Variants in LITAF observed in about 807,000 individuals in gnomAD.
LITAF encodes the protein lipopolysaccharide induced TNF factor.
LITAF carries 9 observed loss-of-function variants against 14.5 expected under a neutral mutation model. The observed-to-expected ratio is 0.62, with a 90% CI of 0.37 to 1.08. The LOEUF is 1.08. Among genes scored for constraint, LITAF ranks in the 50% least tolerant of loss-of-function variants. The pLI is 0.01. For missense variants in LITAF, 206 were observed against 213.4 expected (o/e 0.97, Z 0.22); for synonymous variants, 98 against 88.2 (o/e 1.11, Z -0.62).
chr16:11,563,871 G>A (rs756352363), intron 1 of LITAF, among the ~76,000 whole-genome samples: 9 of 151,956 alleles, frequency 5.9e-5, no homozygotes, highest in African/African-American at 1.2e-4. Context: ...GGTGGGGGGC[G>A]TGCTTGTCAA....
intron 1 of LITAF, among the ~76,000 whole-genome samples, chr16:11,592,579 G>GAAA (rs71136669): frequency 3.9e-4 from 53 of 137,418 alleles, no homozygotes; most frequent in African/African-American, 4.0e-4. Flanking sequence ...TGTCTCAAAA[G>GAAA]AAAAAAAAAA....
Position 11,548,101 on chromosome 16 carries a change from A to G in LITAF, c.*1536T>C, listed in dbSNP as rs1283188102. The G allele has an allele frequency of 1.3e-5, 6 of 454,156 alleles. No homozygotes were observed. Among genetic ancestry groups the G allele is most frequent in the South Asian group, 9.3e-5 (6 of 64,482 alleles). The allele number at this position is 454,156 out of a possible 1,614,324, so 28.1% of individuals were successfully genotyped here. ...AAATGATAATTACTGGAATTTTCCA[A>G]ACATCAAATGAAGGGGGATCAATGG... is the stretch of plus-strand genomic sequence containing the variant. On this transcript the variant is annotated 3_prime_UTR_variant, in exon 4 of 4. Transcript: ENST00000622633.
chr16:11,591,993 C>G (rs1439805336), upstream of LITAF, among the ~76,000 whole-genome samples: 3 of 152,154 alleles, frequency 2.0e-5, no homozygotes, highest in East Asian at 5.8e-4. Context: ...ACTCATACAA[C>G]TCTTAGAAGG....
intron 3 of LITAF, among the ~76,000 whole-genome samples, chr16:11,551,380 T>C (rs1160337983): frequency 6.6e-6 from 1 of 151,998 alleles, no homozygotes; most frequent in African/African-American, 2.4e-5. Context: ...CGTCTACAGA[T>C]GGGGAAACTG....
chr16:11,606,782 C>A (rs1043980594), intron 3 of LITAF, among the ~76,000 whole-genome samples: 2 of 151,632 alleles, frequency 1.3e-5, no homozygotes, highest in Admixed American at 6.6e-5. Context: ...CTACAGGCCC[C>A]CACCACCATG....
chr16:11,621,119 G>T (rs2038097312), intron 3 of LITAF, among the ~76,000 whole-genome samples: 1 of 152,058 alleles, frequency 6.6e-6, no homozygotes, highest in East Asian at 1.9e-4. Context: ...GAGTGCAATG[G>T]CAGTGCGCGA....
chr16:11,604,201 A>T (rs544862235), intron 3 of LITAF, among the ~76,000 whole-genome samples: 1 of 152,094 alleles, frequency 6.6e-6, no homozygotes, highest in African/African-American at 2.4e-5. Context: ...CTGTGTGCTT[A>T]TTGTTCTAAA....
intron 3 of LITAF, among the ~76,000 whole-genome samples, chr16:11,628,552 G>A (rs2065098621): frequency 6.6e-6 from 1 of 152,202 alleles, no homozygotes; most frequent in South Asian, 2.1e-4. Flanking sequence ...TGCCCGGGCT[G>A]GAGTGCAGTG....
chr16:11,569,634 GCCTGGTCAACTGAACA>G (rs1370204986), intron 1 of LITAF, among the ~76,000 whole-genome samples: 1 of 152,106 alleles, frequency 6.6e-6, no homozygotes, highest in Non-Finnish European at 1.5e-5. Flanking sequence ...GTGGACTACG[GCCTGGTCAACTGAACA>G]CCCAACTGTT....
At chr16:11,574,230 C>T (rs919756529) in intron 1 of LITAF, among the ~76,000 whole-genome samples, 58 of 151,512 alleles carry the variant, frequency 3.8e-4, no homozygotes, top group Non-Finnish European at 4.3e-4. Flanking sequence ...TTTGTAGAGA[C>T]GGGGTCTCAG....
At chr16:11,630,703 T>G (rs1318204562) in intron 3 of LITAF, among the ~76,000 whole-genome samples, 1 of 151,370 alleles carries the variant, frequency 6.6e-6, no homozygotes, top group Non-Finnish European at 1.5e-5. Flanking sequence ...CTCAGCTTCC[T>G]AGATAGCTGG....
At chr16:11,554,742 T>C (rs7404725) in intron 2 of LITAF, among the ~76,000 whole-genome samples, 110,280 of 145,254 alleles carry the variant, frequency 0.76, 42,198 homozygotes, top group Admixed American at 0.83. Context: ...GAGCCGAGAT[T>C]ATGCCACTGC....
At chr16:11,567,723 G>A (rs574359142) in intron 1 of LITAF, among the ~76,000 whole-genome samples, 9 of 152,240 alleles carry the variant, frequency 5.9e-5, no homozygotes, top group South Asian at 2.1e-4. Flanking sequence ...GGTGGCTCAC[G>A]CCTGTAATCC....
chr16:11,559,804 G>T (rs945396377), intron 1 of LITAF, among the ~76,000 whole-genome samples: 1 of 148,864 alleles, frequency 6.7e-6, no homozygotes, highest in African/African-American at 2.5e-5. Flanking sequence ...AGATCAGCCT[G>T]AGCAACATAG....
intron 1 of LITAF, among the ~76,000 whole-genome samples, chr16:11,567,302 C>A (rs1314668475): frequency 2.6e-5 from 4 of 152,094 alleles, no homozygotes; most frequent in African/African-American, 9.7e-5. Context: ...CGCCTGTAAT[C>A]CTAGCTACTC....
At chr16:11,625,151 G>C (rs1185961523) in intron 3 of LITAF, among the ~76,000 whole-genome samples, 1 of 152,078 alleles carries the variant, frequency 6.6e-6, no homozygotes, top group Non-Finnish European at 1.5e-5. Flanking sequence ...GACCAAAAGA[G>C]GAACATGAGT....
chr16:11,626,076 T>A (rs1395917052), intron 3 of LITAF, among the ~76,000 whole-genome samples: 1 of 152,064 alleles, frequency 6.6e-6, no homozygotes, highest in Non-Finnish European at 1.5e-5. Flanking sequence ...CTGGGCTGAT[T>A]GATGAAAGTT....
chr16:11,588,884 C>T (rs1382995805), upstream of LITAF, among the ~76,000 whole-genome samples: 3 of 151,792 alleles, frequency 2.0e-5, no homozygotes, highest in Admixed American at 2.0e-4. Flanking sequence ...TCCTCCCTTC[C>T]TCCTTTCCTC....
chr16:11,556,827 A>ATTT (rs2064278727), intron 1 of LITAF, 92 bp from the exon 2 acceptor site: 3 of 1,097,086 alleles, frequency 2.7e-6, no homozygotes, highest in Non-Finnish European at 4.1e-6. Context: ...TCTGGCAAAC[A>ATTT]GAAATTCTGA....
Sources: allele counts gnomAD v4.1 joint callset (sites outside exome capture counted in the v4.1 genomes callset), GRCh38; gene constraint gnomAD v4.1.1; transcripts MANE v1.5; gene names NCBI Gene and HGNC (gene_info 2026-07-23, HGNC 2026-07-21).